KCNMA1: variants seen among roughly 807,000 people sequenced by gnomAD.
KCNMA1 encodes the protein Calcium-activated potassium channel subunit alpha-1.
A neutral mutation model predicts 140.0 loss-of-function variants in KCNMA1; 29 were observed. That is an observed-to-expected ratio of 0.21 (90% CI 0.15 to 0.28). KCNMA1 has a LOEUF of 0.28. Among genes scored for constraint, KCNMA1 ranks in the 10% least tolerant of loss-of-function variants. The pLI, the probability that KCNMA1 is intolerant of heterozygous loss-of-function variation, is 1.00. For synonymous variants in KCNMA1, 612 were observed against 611.9 expected (o/e 1.00, Z 0.00); for missense variants, 880 against 1,602.2 (o/e 0.55, Z 7.70).
At chr10:77,509,101 TTTGTTGTTG>T (rs71028281) in intron 1 of KCNMA1, among the ~76,000 whole-genome samples, 3,550 of 119,012 alleles carry the variant, frequency 0.03, 86 homozygotes, top group East Asian at 0.081. Flanking sequence ...TTTGTTGGGT[TTTGTTGTTG>T]TTGTTGTTGT....
intron 3 of KCNMA1, among the ~76,000 whole-genome samples, chr10:77,194,074 G>C (rs1260669528): frequency 6.6e-6 from 1 of 152,112 alleles, no homozygotes; most frequent in African/African-American, 2.4e-5. Context: ...ACAGCCTGGA[G>C]CTCACATTTC....
At chr10:76,919,383 C>T (rs1020688541) in intron 23 of KCNMA1, among the ~76,000 whole-genome samples, 1 of 152,182 alleles carries the variant, frequency 6.6e-6, no homozygotes, top group African/African-American at 2.4e-5. Flanking sequence ...GTTTTCTCCC[C>T]ACTCCAATCT....
At chr10:77,569,445 A>G in intron 1 of KCNMA1, among the ~76,000 whole-genome samples, 1 of 140,066 alleles carries the variant, frequency 7.1e-6, no homozygotes, top group South Asian at 2.6e-4. Flanking sequence ...ATCTACAACT[A>G]TCTGATCTTT....
At chr10:77,588,296 G>C (rs1002852797) in intron 1 of KCNMA1, among the ~76,000 whole-genome samples, 4 of 152,182 alleles carry the variant, frequency 2.6e-5, no homozygotes, top group Non-Finnish European at 5.9e-5. Context: ...AGTTAGGAGG[G>C]AGAGGGGGAT....
At chr10:77,264,216 C>T (rs548426877) in intron 2 of KCNMA1, among the ~76,000 whole-genome samples, 1 of 152,242 alleles carries the variant, frequency 6.6e-6, no homozygotes, top group African/African-American at 2.4e-5. Flanking sequence ...CTCCCTCTCA[C>T]CCAGTGAGGA....
chr10:77,054,782 T>C (rs1262179438), intron 14 of KCNMA1, among the ~76,000 whole-genome samples: 3 of 152,352 alleles, frequency 2.0e-5, no homozygotes, highest in South Asian at 2.1e-4. Context: ...AGATGGCAGA[T>C]GGCTGCCTAA....
chr10:77,117,561 A>AAAAAAAAAAAAAAAAAAAAAAAAAAG (rs1554837398), intron 6 of KCNMA1, among the ~76,000 whole-genome samples: 1 of 147,558 alleles, frequency 6.8e-6, no homozygotes, highest in African/African-American at 2.6e-5. Flanking sequence ...AAAAAAAAAA[A>AAAAAAAAAAAAAAAAAAAAAAAAAAG]AAAAGAAAAG....
rs377115806 is a variant in KCNMA1 at position 77,170,383 on chromosome 10, G to C, written c.808+13038C>G. ...ATTGGAGAGAGGCTGGACCCTAAGA[G>C]AGCCCTTCCCTCGAGGAGCGGGCTG... On this transcript the variant is annotated intron_variant, in intron 5 of 27. Transcript: ENST00000286628. 2.3e-3 allele frequency among the ~76,000 whole-genome samples: 355 copies of C among 152,192 alleles called. 4 individuals are homozygous for C. The highest frequency in any genetic ancestry group is 8.3e-3 in the African/African-American group (346 of 41,496).
chr10:77,467,852 GA>G (rs1170094440), intron 1 of KCNMA1, among the ~76,000 whole-genome samples: 3 of 152,188 alleles, frequency 2.0e-5, no homozygotes. Flanking sequence ...TTCATGGAAG[GA>G]AAAAATATGG....
chr10:77,426,960 A>G (rs560197649), intron 1 of KCNMA1, among the ~76,000 whole-genome samples: 4 of 152,368 alleles, frequency 2.6e-5, no homozygotes, highest in South Asian at 4.1e-4. Context: ...ATGAAACAAT[A>G]CCTACACTAT....
chr10:77,115,424 CA>C (rs1301854192), intron 6 of KCNMA1, among the ~76,000 whole-genome samples: 1 of 152,154 alleles, frequency 6.6e-6, no homozygotes, highest in Non-Finnish European at 1.5e-5. Context: ...GGTGTGCTCC[CA>C]CATTGGAGGG....
intron 1 of KCNMA1, among the ~76,000 whole-genome samples, chr10:77,456,337 C>G (rs1284093608): frequency 6.6e-6 from 1 of 152,184 alleles, no homozygotes; most frequent in Non-Finnish European, 1.5e-5. Context: ...TCAGCTTGCA[C>G]AGGACCTCCG....
chr10:77,309,946 C>T (rs1246426960), intron 2 of KCNMA1, among the ~76,000 whole-genome samples: 2 of 152,166 alleles, frequency 1.3e-5, no homozygotes, highest in African/African-American at 4.8e-5. Flanking sequence ...ACAGAAACAA[C>T]CTCTCCTCTT....
chr10:77,011,848 T>C (rs923998677), intron 18 of KCNMA1, 119 bp downstream of exon 18: 1 of 901,688 alleles, frequency 1.1e-6, no homozygotes, highest in South Asian at 1.4e-5. Context: ...GGGTGAAACA[T>C]AAACATACTC....
intron 1 of KCNMA1, among the ~76,000 whole-genome samples, chr10:77,531,143 G>A (rs959005588): frequency 1.3e-5 from 2 of 152,128 alleles, no homozygotes; most frequent in African/African-American, 4.8e-5. Context: ...ACCACGCGGG[G>A]CTTCAAACTT....
At chr10:77,499,456 C>CAT (rs111553896) in intron 1 of KCNMA1, among the ~76,000 whole-genome samples, 3,979 of 148,786 alleles carry the variant, frequency 0.027, 90 homozygotes, top group East Asian at 0.067. Flanking sequence ...CACACACACA[C>CAT]ATATATATAT....
intron 5 of KCNMA1, among the ~76,000 whole-genome samples, chr10:77,127,896 C>T (rs1425089349): frequency 6.6e-6 from 1 of 152,054 alleles, no homozygotes; most frequent in African/African-American, 2.4e-5. Context: ...ATCACTTGAA[C>T]CTGGGAGGTG....
At chr10:77,342,317 A>G (rs1050653063) in intron 2 of KCNMA1, among the ~76,000 whole-genome samples, 1 of 152,246 alleles carries the variant, frequency 6.6e-6, no homozygotes, top group African/African-American at 2.4e-5. Flanking sequence ...AGGGCTTTGC[A>G]TCTATTAGCT....
intron 2 of KCNMA1, among the ~76,000 whole-genome samples, chr10:77,320,804 C>A (rs987853249): frequency 3.3e-5 from 5 of 152,192 alleles, no homozygotes; most frequent in Admixed American, 6.5e-5. Context: ...AAGAAACCAA[C>A]CACATAGGAT....
Sources: gnomAD v4.1 joint callset for allele counts (sites outside exome capture counted in the v4.1 genomes callset) on GRCh38, gnomAD v4.1.1 for gene constraint, MANE v1.5 for transcripts, NCBI Gene and HGNC (gene_info 2026-07-23, HGNC 2026-07-21) for gene names.